The following PTPRD variants were observed in gnomAD, a reference collection of about 807,000 sequenced individuals.
PTPRD encodes receptor-type tyrosine-protein phosphatase delta.
In PTPRD, 34 loss-of-function variants were observed where a neutral mutation model predicts 214.5. That is an observed-to-expected ratio of 0.16 (90% CI 0.12 to 0.21). The LOEUF is 0.21. Among genes scored for constraint, PTPRD ranks in the 10% least tolerant of loss-of-function variants. The pLI is 1.00. For missense variants in PTPRD, 2,545 were observed against 2,398.7 expected (o/e 1.06, Z -1.27); for synonymous variants, 1,128 against 845.7 (o/e 1.33, Z -5.79).
intron 2 of PTPRD, among the ~76,000 whole-genome samples, chr9:10,411,317 A>G (rs567159517): frequency 6.6e-6 from 1 of 151,922 alleles, no homozygotes; most frequent in Admixed American, 6.6e-5. Flanking sequence ...CTTGTAGTAA[A>G]GGAATTATAA....
chr9:9,831,981 A>T (rs1459685862), intron 5 of PTPRD, among the ~76,000 whole-genome samples: 1 of 151,996 alleles, frequency 6.6e-6, no homozygotes, highest in African/African-American at 2.4e-5. Context: ...ATTACTGGGT[A>T]TGCCATAGAA....
At chr9:9,071,474 C>T (rs1460089928) in intron 10 of PTPRD, among the ~76,000 whole-genome samples, 3 of 152,126 alleles carry the variant, frequency 2.0e-5, no homozygotes, top group Non-Finnish European at 4.4e-5. Context: ...AGTCTTCTTG[C>T]TGGCTTGGTG....
chr9:10,341,420 GA>G (rs1264991301), intron 2 of PTPRD, among the ~76,000 whole-genome samples: 1 of 151,474 alleles, frequency 6.6e-6, no homozygotes, highest in Non-Finnish European at 1.5e-5. Flanking sequence ...ATTGAATAAA[GA>G]AAAAAATGTG....
At position 8,521,350 on chromosome 9, in the gene PTPRD, C is replaced by T. The variant is rs2138866872; in HGVS notation, c.888G>A (p.Gln296=). The T allele has an allele frequency of 6.2e-7, 1 of 1,613,984 alleles. No homozygotes were observed. The highest frequency in any genetic ancestry group is 8.5e-7 in the Non-Finnish European group (1 of 1,179,918). ...RNVLELNDVR[Q]SANYTCVAMS... The stretch of plus-strand genomic sequence containing the variant: ...TAGCAACACAGGTGTAATTTGCTGA[C>T]TGTCTTACATCATTCAGTTCTAGCA... The change falls in exon 20 of 46, where the codon CAG becomes CAA. Residue 296 remains glutamine, a synonymous_variant. Coordinates refer to ENST00000381196, the MANE Select transcript of PTPRD (RefSeq NM_002839.4).
intron 9 of PTPRD, among the ~76,000 whole-genome samples, chr9:9,357,705 T>A (rs1415840544): frequency 2.2e-5 from 3 of 138,452 alleles, no homozygotes; most frequent in Admixed American, 2.2e-4. Flanking sequence ...TGCTCAATAG[T>A]TTTTAAAATA....
At position 8,796,373 on chromosome 9, in the gene PTPRD, T is replaced by C. The variant is rs563890402; in HGVS notation, c.-103-62427A>G. ...CCTGTGAAACATTTGACCTTTACCA[T>C]TAATACAAAATGTTCTTCAGTAGGC... On this transcript the variant is annotated intron_variant, in intron 11 of 45. Coordinates refer to ENST00000381196, the MANE Select transcript of PTPRD (RefSeq NM_002839.4). Among the ~76,000 whole-genome samples, 113 of 152,302 alleles carry C rather than the reference T, an allele frequency of 7.4e-4. 1 individual carries two copies. The highest frequency in any genetic ancestry group is 1.6e-3 in the Admixed American group (25 of 15,292).
intron 5 of PTPRD, among the ~76,000 whole-genome samples, chr9:9,859,916 G>T (rs1164012287): frequency 6.6e-6 from 1 of 152,072 alleles, no homozygotes; most frequent in East Asian, 1.9e-4. Context: ...CAACAGTATA[G>T]AAAAATTGCA....
At chr9:9,673,754 A>T (rs1001754428) in intron 7 of PTPRD, among the ~76,000 whole-genome samples, 1 of 151,732 alleles carries the variant, frequency 6.6e-6, no homozygotes, top group Non-Finnish European at 1.5e-5. Context: ...ACTGTAATAA[A>T]ACTTCAATGG....
chr9:8,667,508 C>A (rs978020264), intron 12 of PTPRD, among the ~76,000 whole-genome samples: 1 of 151,908 alleles, frequency 6.6e-6, no homozygotes, highest in Non-Finnish European at 1.5e-5. Flanking sequence ...GACATGACAC[C>A]GAAAGTGAAA....
At chr9:8,892,073 G>C (rs1006153187) in intron 11 of PTPRD, among the ~76,000 whole-genome samples, 3 of 152,022 alleles carry the variant, frequency 2.0e-5, no homozygotes, top group Non-Finnish European at 4.4e-5. Flanking sequence ...TGAGGTTTGG[G>C]AGATGAAAGG....
chr9:10,036,090 T>A (rs1052559315), intron 3 of PTPRD, among the ~76,000 whole-genome samples: 4 of 152,192 alleles, frequency 2.6e-5, no homozygotes, highest in Non-Finnish European at 5.9e-5. Context: ...GTATACCCAC[T>A]GATACTTATA....
chr9:9,750,398 T>G (rs1312367893), intron 6 of PTPRD, among the ~76,000 whole-genome samples: 3 of 152,248 alleles, frequency 2.0e-5, no homozygotes, highest in African/African-American at 7.2e-5. Flanking sequence ...ATAGACTCCC[T>G]CAGCTTATAT....
rs572636823 is a variant in PTPRD, at chr9:8,932,191, C to T, written c.-104+86506G>A. Among the ~76,000 whole-genome samples, 286 of 152,062 alleles carry T rather than the reference C, an allele frequency of 1.9e-3. 2 individuals are homozygous for T. Among genetic ancestry groups the T allele is most frequent in the African/African-American group, 6.6e-3 (275 of 41,468 alleles). On this transcript the variant is annotated intron_variant, in intron 11 of 45. Transcript: ENST00000381196. ...TGCTCTGATCTTAAGTGTTTCTTGCCTTCTGCTAGCTTTTGAATTTGTTTG... is the reference window on the plus strand; with the variant it reads ...TGCTCTGATCTTAAGTGTTTCTTGCTTTCTGCTAGCTTTTGAATTTGTTTG...
intron 9 of PTPRD, among the ~76,000 whole-genome samples, chr9:9,216,462 G>A (rs1055839167): frequency 6.6e-6 from 1 of 152,128 alleles, no homozygotes; most frequent in Non-Finnish European, 1.5e-5. Context: ...CCTATGTTGA[G>A]CCACCCTTCT....
chr9:10,263,867 C>A (rs960042701), intron 3 of PTPRD, among the ~76,000 whole-genome samples: 1 of 152,052 alleles, frequency 6.6e-6, no homozygotes, highest in Non-Finnish European at 1.5e-5. Flanking sequence ...AAAATGGTTT[C>A]GTAGGCCAGG....
intron 7 of PTPRD, among the ~76,000 whole-genome samples, chr9:9,652,266 T>G (rs1408148919): frequency 6.6e-6 from 1 of 152,196 alleles, no homozygotes; most frequent in African/African-American, 2.4e-5. Context: ...TCTCTACACT[T>G]CAGGTTCCTG....
rs190404616 is a variant in PTPRD, at chr9:8,499,698, A to G, written c.2271T>C (p.Gly757=). 6.2e-7 allele frequency: 1 copy of G among 1,614,102 alleles called. No individual in the cohort carries two copies. The highest frequency in any genetic ancestry group is 2.2e-5 in the East Asian group (1 of 44,884). The change falls in exon 25 of 46, where the codon GGT becomes GGC. Residue 757 remains glycine (G), a synonymous_variant. Transcript: ENST00000381196. ...TCAGCATGGGCTGGCCCTTGGGCTC[A>G]CCATTTTCCATCCTCACATAATGCA... ...YQVHYVRMEN[G]EPKGQPMLKD...
At chr9:8,720,653 G>C (rs1025067243) in intron 12 of PTPRD, among the ~76,000 whole-genome samples, 1 of 151,964 alleles carries the variant, frequency 6.6e-6, no homozygotes, top group Admixed American at 6.6e-5. Context: ...TGAAACACTA[G>C]TCACACAGAA....
intron 10 of PTPRD, among the ~76,000 whole-genome samples, chr9:9,164,940 C>T (rs376948996): frequency 4.6e-5 from 7 of 151,838 alleles, no homozygotes; most frequent in African/African-American, 1.7e-4. Context: ...GTAATCCCAG[C>T]TACTTGGGAG....
Sources: allele counts gnomAD v4.1 joint callset (sites outside exome capture counted in the v4.1 genomes callset), GRCh38; gene constraint gnomAD v4.1.1; transcripts MANE v1.5; gene names NCBI Gene and HGNC (gene_info 2026-07-23, HGNC 2026-07-21).